The following GPHN variants were observed in gnomAD, a reference collection of about 807,000 sequenced individuals.
GPHN encodes the protein gephyrin.
GPHN carries 17 observed loss-of-function variants against 95.5 expected under a neutral mutation model. The ratio of observed to expected loss-of-function variants is 0.18; its 90% CI spans 0.12 to 0.27. The LOEUF (loss-of-function observed/expected upper bound fraction) is 0.27. GPHN is among the 10% of genes least tolerant of loss of function. GPHN has a pLI of 1.00. For missense variants in GPHN, 660 were observed against 978.1 expected, an observed-to-expected ratio of 0.67 and a Z score of 4.34; for synonymous variants, 320 against 322.5, an observed-to-expected ratio of 0.99 and a Z score of 0.08.
the GPHN span, among the ~76,000 whole-genome samples, chr14:67,332,213 G>A: frequency 1.3e-5 from 2 of 152,112 alleles, no homozygotes; most frequent in African/African-American, 4.8e-5. Context: ...ACATAGCCTT[G>A]CTGCCTGCTT....
the GPHN span, chr14:67,557,444 C>T: frequency 6.2e-7 from 1 of 1,606,658 alleles, no homozygotes; most frequent in East Asian, 2.2e-5. Flanking sequence ...CAAGGGAGCA[C>T]CATGCCCTCT....
intron 1 of GPHN, among the ~76,000 whole-genome samples, chr14:66,603,978 A>C (rs932011176): frequency 4.6e-5 from 7 of 152,090 alleles, no homozygotes; most frequent in African/African-American, 1.7e-4. Context: ...ACTATGACAA[A>C]ATATGTCTCT....
the GPHN span, among the ~76,000 whole-genome samples, chr14:67,711,296 T>G: frequency 6.6e-6 from 1 of 152,242 alleles, no homozygotes; most frequent in South Asian, 2.1e-4. Flanking sequence ...TATGCCAAAT[T>G]TTGACACCTT....
intron 9 of GPHN, among the ~76,000 whole-genome samples, chr14:66,977,186 C>T (rs1410075367): frequency 6.6e-6 from 1 of 152,122 alleles, no homozygotes; most frequent in Non-Finnish European, 1.5e-5. Flanking sequence ...AATCCCAGTA[C>T]TTTGGGAGGC....
intron 21 of GPHN, among the ~76,000 whole-genome samples, chr14:67,178,448 T>C (rs1386517834): frequency 6.6e-6 from 1 of 152,210 alleles, no homozygotes; most frequent in African/African-American, 2.4e-5. Flanking sequence ...TTTGATGGGC[T>C]TCCCTTTGTG....
intron 9 of GPHN, among the ~76,000 whole-genome samples, chr14:67,009,776 T>C (rs1221616319): frequency 6.6e-6 from 1 of 152,048 alleles, no homozygotes; most frequent in Non-Finnish European, 1.5e-5. Context: ...TTTGTTTCGT[T>C]TCTCTTTTTG....
chr14:66,932,451 T>G (rs1345181896), intron 8 of GPHN, among the ~76,000 whole-genome samples: 14 of 110,704 alleles, frequency 1.3e-4, no homozygotes, highest in South Asian at 7.1e-4. Flanking sequence ...CAGGTTTTTT[T>G]TTTTTTTTTT....
chr14:66,689,899 A>T lies in GPHN; in HGVS notation c.143+8714A>T, dbSNP rs77671996. 2.6e-5 allele frequency among the ~76,000 whole-genome samples: 4 copies of T among 151,064 alleles called. No individual in the cohort carries two copies. The East Asian group carries it at 7.8e-4, about 29-fold the overall frequency. On this transcript the variant is annotated intron_variant, in intron 2 of 22. Transcript: ENST00000478722. ...TCATTTTTCCATTCTGATTTTATTTATTTGAGTCTTTTTTTATCTTGGTTT... is the reference window on the plus strand; with the variant it reads ...TCATTTTTCCATTCTGATTTTATTTTTTTGAGTCTTTTTTTATCTTGGTTT...
the GPHN span, chr14:67,380,892 T>A: frequency 2.1e-6 from 1 of 468,990 alleles, no homozygotes; most frequent in Non-Finnish European, 3.7e-6. Flanking sequence ...GGTTGTTTTT[T>A]ATAACAAAAG....
chr14:67,598,702 T>C, the GPHN span, among the ~76,000 whole-genome samples: 11 of 138,398 alleles, frequency 7.9e-5, no homozygotes, highest in Non-Finnish European at 1.4e-4. Flanking sequence ...TTTAACTGAC[T>C]TATGAACAAA....
the GPHN span, among the ~76,000 whole-genome samples, chr14:67,637,952 A>T: frequency 1.3e-5 from 2 of 152,186 alleles, no homozygotes; most frequent in South Asian, 2.1e-4. Context: ...TGAAAAGAGG[A>T]GGTGTGCTTT....
At chr14:67,691,120 G>T in the GPHN span, 5 of 1,562,186 alleles carry the variant, frequency 3.2e-6, no homozygotes, top group South Asian at 2.2e-5. Flanking sequence ...CTAGCTTTGT[G>T]ATAAGGCCAG....
intron 1 of GPHN, among the ~76,000 whole-genome samples, chr14:66,564,952 G>C (rs1184489150): frequency 6.6e-6 from 1 of 152,112 alleles, no homozygotes; most frequent in Non-Finnish European, 1.5e-5. Context: ...GTGATGCTGG[G>C]ACTAGCATGT....
chr14:67,311,122 G>A, the GPHN span, among the ~76,000 whole-genome samples: 1 of 152,028 alleles, frequency 6.6e-6, no homozygotes, highest in Non-Finnish European at 1.5e-5. Context: ...GACCAGTGTG[G>A]CCAACTGGCG....
chr14:67,532,734 T>A, the GPHN span, among the ~76,000 whole-genome samples: 1 of 152,208 alleles, frequency 6.6e-6, no homozygotes, highest in African/African-American at 2.4e-5. Flanking sequence ...TTTTTCTTTT[T>A]CTCCTGCAAA....
At chr14:67,534,298 G>A in the GPHN span, among the ~76,000 whole-genome samples, 1 of 152,150 alleles carries the variant, frequency 6.6e-6, no homozygotes, top group South Asian at 2.1e-4. Context: ...TGTGATTTAG[G>A]CCAGTTGCAG....
At chr14:67,222,446 C>A in the GPHN span, among the ~76,000 whole-genome samples, 1 of 152,064 alleles carries the variant, frequency 6.6e-6, no homozygotes, top group Non-Finnish European at 1.5e-5. Flanking sequence ...CGTTTGCCAC[C>A]ACGCCTAACT....
At chr14:67,220,667 T>C in the GPHN span, among the ~76,000 whole-genome samples, 1 of 152,228 alleles carries the variant, frequency 6.6e-6, no homozygotes, top group East Asian at 1.9e-4. Flanking sequence ...CCATGGCTCT[T>C]TCCTTTGTTT....
At chr14:66,960,437 A>G (rs551845182) in intron 8 of GPHN, among the ~76,000 whole-genome samples, 11 of 151,978 alleles carry the variant, frequency 7.2e-5, no homozygotes, top group Non-Finnish European at 1.5e-4. Context: ...CTTTTTCAGC[A>G]GTAGTAGTTA....
Sources: allele counts gnomAD v4.1 joint callset (sites outside exome capture counted in the v4.1 genomes callset), GRCh38; gene constraint gnomAD v4.1.1; transcripts MANE v1.5; gene names NCBI Gene and HGNC (gene_info 2026-07-23, HGNC 2026-07-21).